Variants in CSPP1 observed in about 807,000 individuals in gnomAD.
The protein encoded by CSPP1 is centrosome and spindle pole-associated protein 1.
Under a neutral mutation model 164.4 loss-of-function variants are expected in CSPP1, and 126 were observed. The ratio of observed to expected loss-of-function variants is 0.77; its 90% confidence interval spans 0.66 to 0.89. The LOEUF is 0.89. Ranked by LOEUF, CSPP1 falls within the 40% of genes least tolerant of loss-of-function variation. The pLI is 0.00. For synonymous variants in CSPP1, 472 were observed against 476.7 expected (o/e 0.99, Z 0.13); for missense variants, 1,395 against 1,449.8 (o/e 0.96, Z 0.61).
At chr8:67,071,374 GT>G (rs561318240) in intron 1 of CSPP1, among the ~76,000 whole-genome samples, 300 of 132,364 alleles carry the variant, frequency 2.3e-3, no homozygotes, top group African/African-American at 4.1e-3. Flanking sequence ...TATTCCCTCT[GT>G]TTTTTTTTTT....
chr8:67,185,104 C>CA (rs562540567), intron 28 of CSPP1, among the ~76,000 whole-genome samples: 15,900 of 121,684 alleles, frequency 0.13, 1,213 homozygotes, highest in African/African-American at 0.24. Flanking sequence ...GACTCCGTCT[C>CA]AAAAAAAAAA....
chr8:67,196,048 T>TATTA lies in CSPP1; in HGVS notation c.*464_*467dup, dbSNP rs60225155. ...TTCTGTGTGATGCAATCAAATGTCC[T>TATTA]ATTAATTAATTATTATTTCATGTCA... On this transcript the variant is annotated 3_prime_UTR_variant, in exon 31 of 31. Coordinates refer to ENST00000678616, the MANE Select transcript of CSPP1 (RefSeq NM_001382391.1). 2.6e-5 allele frequency: 4 copies of TATTA among 154,634 alleles called. No homozygotes were observed. Among genetic ancestry groups the TATTA allele is most frequent in the South Asian group, 2.0e-4 (1 of 5,052 alleles). 9.6% of individuals were successfully genotyped at this position (154,634 alleles called of 1,614,324 possible). A position where few individuals can be genotyped will look rare whatever the true frequency, so the allele number is the denominator to read the frequency against.
intron 28 of CSPP1, among the ~76,000 whole-genome samples, chr8:67,190,197 T>C (rs1835820825): frequency 1.3e-5 from 2 of 152,204 alleles, no homozygotes; most frequent in African/African-American, 4.8e-5. Context: ...GGTAAATGCA[T>C]AGACAAAATA....
Position 67,190,658 on chromosome 8 carries a change from G to A in CSPP1, c.3229G>A (p.Gly1077Ser), listed in dbSNP as rs1835967725. The change falls in exon 29 of 31, where the codon GGT becomes AGT. Residue 1077 changes from glycine to serine, a missense_variant. Transcript: ENST00000678616. ...ESDSAFIGAY[G>S]ETYPAIEDDV... ...TTTCGGGGTCCTCTTAGGGGCTTAC[G>A]GTGAGACATATCCTGCCATTGAAGA... 6.2e-7 allele frequency: 1 copy of A among 1,613,662 alleles called. No individual in the cohort carries two copies. The highest frequency in any genetic ancestry group is 1.3e-5 in the African/African-American group (1 of 74,894).
chr8:67,124,086 A>G (rs1819580923), intron 15 of CSPP1, among the ~76,000 whole-genome samples: 1 of 150,160 alleles, frequency 6.7e-6, no homozygotes, highest in Non-Finnish European at 1.5e-5. Context: ...TTTTTAGTAG[A>G]GACGGGGTTT....
chr8:67,168,864 A>T (rs1829980162), intron 24 of CSPP1, among the ~76,000 whole-genome samples: 1 of 152,252 alleles, frequency 6.6e-6, no homozygotes, highest in Non-Finnish European at 1.5e-5. Flanking sequence ...ATTAATGGAA[A>T]CTAGACAGCA....
intron 24 of CSPP1, among the ~76,000 whole-genome samples, chr8:67,171,546 CTAAT>C (rs1830466380): frequency 1.3e-5 from 2 of 151,876 alleles, no homozygotes; most frequent in Non-Finnish European, 2.9e-5. Context: ...TCATGCTTGA[CTAAT>C]TTTGTTGTTG....
chr8:67,112,584 G>A (rs1044474186), intron 10 of CSPP1, among the ~76,000 whole-genome samples: 1 of 152,058 alleles, frequency 6.6e-6, no homozygotes, highest in African/African-American at 2.4e-5. Context: ...TTGTCCTCTC[G>A]TATTCACTTC....
At chr8:67,092,246 A>G (rs1042962315) in intron 5 of CSPP1, among the ~76,000 whole-genome samples, 3 of 152,174 alleles carry the variant, frequency 2.0e-5, no homozygotes, top group African/African-American at 7.2e-5. Context: ...GAGCTTTTAT[A>G]TAGGGTGAGG....
chr8:67,077,949 A>G (rs1384751075), intron 3 of CSPP1, among the ~76,000 whole-genome samples: 1 of 152,234 alleles, frequency 6.6e-6, no homozygotes, highest in East Asian at 1.9e-4. Context: ...ATTAATATAC[A>G]GCATTAGTGA....
chr8:67,164,706 G>A (rs1480700143), intron 24 of CSPP1, among the ~76,000 whole-genome samples, 198 bp downstream of exon 24: 1 of 152,176 alleles, frequency 6.6e-6, no homozygotes, highest in Non-Finnish European at 1.5e-5. Flanking sequence ...AAATTTCCGG[G>A]TTGGAATAAT....
At chr8:67,138,634 CT>C (rs1397578558) in intron 17 of CSPP1, among the ~76,000 whole-genome samples, 1 of 152,086 alleles carries the variant, frequency 6.6e-6, no homozygotes, top group Non-Finnish European at 1.5e-5. Flanking sequence ...ACTTCATGTT[CT>C]TTAGGTGTTA....
chr8:67,070,612 G>A (rs1371491030), intron 1 of CSPP1, among the ~76,000 whole-genome samples: 1 of 151,734 alleles, frequency 6.6e-6, no homozygotes, highest in Non-Finnish European at 1.5e-5. Context: ...ACTAGCCTGG[G>A]CAGCAGAGCG....
intron 16 of CSPP1, chr8:67,133,453 A>G (rs899244358): frequency 1.3e-5 from 2 of 152,232 alleles, no homozygotes; most frequent in African/African-American, 2.4e-5. Flanking sequence ...TTATCTTTAC[A>G]CTATACTGTG....
intron 17 of CSPP1, among the ~76,000 whole-genome samples, chr8:67,146,556 T>C (rs1166811270): frequency 1.3e-5 from 2 of 152,226 alleles, no homozygotes; most frequent in Admixed American, 6.5e-5. Flanking sequence ...TATGTATTGT[T>C]AGTAGTGCTA....
At chr8:67,125,900 T>A (rs1042763418) in intron 15 of CSPP1, among the ~76,000 whole-genome samples, 14 of 152,254 alleles carry the variant, frequency 9.2e-5, no homozygotes, top group Non-Finnish European at 1.8e-4. Flanking sequence ...TGGCCTGATC[T>A]CAGCTCACTA....
chr8:67,091,887 G>A lies in CSPP1; in HGVS notation c.384+4G>A, dbSNP rs763663160. On this transcript the variant is annotated splice_donor_region_variant and intron_variant, in intron 5 of 30. Coordinates refer to ENST00000678616, the MANE Select transcript of CSPP1 (RefSeq NM_001382391.1). ...TGGTGAGAGGTTATCTGCTAAGGTA[G>A]GTGGATAGGAGTAGTTATTGTGGGT... The A allele has an allele frequency of 7.7e-7, 1 of 1,291,150 alleles. No individual in the cohort carries two copies. The highest frequency in any genetic ancestry group is 2.2e-5 in the Admixed American group (1 of 46,128). 80.0% of individuals were successfully genotyped at this position (1,291,150 alleles called of 1,614,324 possible). A position where few individuals can be genotyped will look rare whatever the true frequency, so the allele number is the denominator to read the frequency against.
At chr8:67,144,731 G>A (rs1824153118) in intron 17 of CSPP1, among the ~76,000 whole-genome samples, 1 of 152,082 alleles carries the variant, frequency 6.6e-6, no homozygotes, top group Admixed American at 6.5e-5. Flanking sequence ...ACATAGGTGT[G>A]AGCCACATCG....
chr8:67,140,245 C>A (rs889258154), intron 17 of CSPP1, among the ~76,000 whole-genome samples: 1 of 151,986 alleles, frequency 6.6e-6, no homozygotes, highest in East Asian at 1.9e-4. Context: ...CCACCACACC[C>A]GGCTAATTTT....
Sources: gnomAD v4.1 joint callset for allele counts (sites outside exome capture counted in the v4.1 genomes callset) on GRCh38, gnomAD v4.1.1 for gene constraint, MANE v1.5 for transcripts, NCBI Gene and HGNC (gene_info 2026-07-23, HGNC 2026-07-21) for gene names.